Variants in KSR1 observed in about 807,000 individuals in gnomAD.
KSR1 encodes the protein kinase suppressor of ras.
In KSR1, 35 loss-of-function variants were observed where a neutral mutation model predicts 92.9. The ratio of observed to expected loss-of-function variants is 0.38; its 90% CI spans 0.29 to 0.50. The LOEUF is 0.50. Ranked by LOEUF, KSR1 falls within the 20% of genes least tolerant of loss-of-function variation. The probability of loss-of-function intolerance (pLI) is 0.94; values close to 1 mark genes in which losing one functional copy is unlikely to be tolerated. For missense variants in KSR1, 972 were observed against 1,158.5 expected (o/e 0.84, Z 2.34); for synonymous variants, 467 against 472.6 (o/e 0.99, Z 0.15).
chr17:27,550,712 T>C lies in KSR1; in HGVS notation c.372+4T>C, dbSNP rs376112578. The C allele has an allele frequency of 2.5e-5, 19 of 762,320 alleles. No homozygotes were observed. Among genetic ancestry groups the C allele is most frequent in the Non-Finnish European group, 4.1e-5 (17 of 417,042 alleles). 47.2% of individuals were successfully genotyped at this position (762,320 alleles called of 1,614,324 possible). A position where few individuals can be genotyped will look rare whatever the true frequency, so the allele number is the denominator to read the frequency against. ...CGTGAGGCCGGAGGTGGTGCAGGTA[T>C]GCAAGCTGGTTCTCAGCATAGGGAT... On this transcript the variant is annotated splice_donor_region_variant and intron_variant, in intron 2 of 20. Coordinates refer to ENST00000644974, the MANE Select transcript of KSR1 (RefSeq NM_001394583.1).
intron 1 of KSR1, among the ~76,000 whole-genome samples, chr17:27,499,916 A>AT (rs1349035976): frequency 6.6e-6 from 1 of 152,234 alleles, no homozygotes; most frequent in African/African-American, 2.4e-5. Flanking sequence ...CACATGGTTC[A>AT]TTTGAGTGCC....
In KSR1 at chr17:27,592,418, G is replaced by A; in HGVS notation, c.1188G>A (p.Leu396=). Residue 396 remains leucine, a synonymous_variant, in exon 8 of 21, where the codon CTG becomes CTA. Transcript: ENST00000644974. The part of the protein sequence containing the change: ...KEAPACRISF[L]PLTRLRRTES... The stretch of plus-strand genomic sequence containing the variant: ...CCCCTGCCTGTAGAATATCCTTCCT[G>A]CCACGTGAGTTTTCTGCCTTCCTCT... 1 of 1,613,872 alleles carries A rather than the reference G, an allele frequency of 6.2e-7. No individual in the cohort carries two copies. Among genetic ancestry groups the A allele is most frequent in the Non-Finnish European group, 8.5e-7 (1 of 1,179,816 alleles).
chr17:27,623,141 G>T (rs1052767618), intron 20 of KSR1, 173 bp from the exon 21 acceptor site: 11 of 641,158 alleles, frequency 1.7e-5, no homozygotes, highest in Non-Finnish European at 2.2e-5. Flanking sequence ...TGTAGCTGAG[G>T]CCTTGGACGC....
At chr17:27,479,351 C>G (rs531841369) in intron 1 of KSR1, among the ~76,000 whole-genome samples, 8 of 152,316 alleles carry the variant, frequency 5.3e-5, no homozygotes, top group Admixed American at 1.3e-4. Context: ...AGTGCCAGAC[C>G]CACTGCCAAT....
At chr17:27,470,926 A>G (rs765683047) in intron 1 of KSR1, among the ~76,000 whole-genome samples, 1 of 151,722 alleles carries the variant, frequency 6.6e-6, no homozygotes, top group Non-Finnish European at 1.5e-5. Flanking sequence ...GCTGGAGTGC[A>G]GTGGCACAAT....
chr17:27,546,848 G>A (rs2071193918), intron 1 of KSR1, among the ~76,000 whole-genome samples: 1 of 152,158 alleles, frequency 6.6e-6, no homozygotes, highest in Non-Finnish European at 1.5e-5. Flanking sequence ...TTCATGCTCT[G>A]TAGGTGCTCC....
Position 27,586,832 on chromosome 17 carries a change from C to G in KSR1, c.985+1171C>G, listed in dbSNP as rs73983481. 1.6e-3 allele frequency among the ~76,000 whole-genome samples: 245 copies of G among 152,318 alleles called. 1 individual carries two copies. Among genetic ancestry groups the G allele is most frequent in the African/African-American group, 5.5e-3 (229 of 41,558 alleles). On this transcript the variant is annotated intron_variant, in intron 5 of 20. Coordinates refer to ENST00000644974, the MANE Select transcript of KSR1 (RefSeq NM_001394583.1). ...ATTGAAGTTCCAACATAGTCTGTTT[C>G]TCCTAGGCTGGTAGCTGGCACCTTT...
At chr17:27,496,089 C>G (rs1236263965) in intron 1 of KSR1, among the ~76,000 whole-genome samples, 1 of 152,214 alleles carries the variant, frequency 6.6e-6, no homozygotes, top group African/African-American at 2.4e-5. Context: ...GGCCAGTGGT[C>G]AGGCCCAGCA....
chr17:27,460,495 G>T (rs985071811), intron 1 of KSR1, among the ~76,000 whole-genome samples: 4 of 152,212 alleles, frequency 2.6e-5, no homozygotes, highest in African/African-American at 9.6e-5. Context: ...AGGCTTTGCT[G>T]GGGGAGGTGA....
chr17:27,491,491 CA>C (rs1451946391), intron 1 of KSR1, among the ~76,000 whole-genome samples: 2 of 151,964 alleles, frequency 1.3e-5, no homozygotes, highest in African/African-American at 4.8e-5. Context: ...TGCCTGGCCA[CA>C]AAACACTCTA....
intron 1 of KSR1, among the ~76,000 whole-genome samples, chr17:27,474,560 T>C (rs190580917): frequency 6.6e-5 from 10 of 152,324 alleles, no homozygotes; most frequent in African/African-American, 2.2e-4. Flanking sequence ...AAATGGGGAT[T>C]ATAATGGGGT....
chr17:27,531,296 C>T (rs2070526802), intron 1 of KSR1, among the ~76,000 whole-genome samples: 2 of 152,276 alleles, frequency 1.3e-5, no homozygotes, highest in South Asian at 4.1e-4. Flanking sequence ...CCTGCTGGGT[C>T]ATGGCCTTGG....
intron 9 of KSR1, among the ~76,000 whole-genome samples, chr17:27,592,988 A>G (rs2073219216): frequency 6.6e-6 from 1 of 152,234 alleles, no homozygotes; most frequent in African/African-American, 2.4e-5. Context: ...GCAAGAGACA[A>G]TCCCAGAGTG....
At chr17:27,534,450 A>C (rs1336175876) in intron 1 of KSR1, among the ~76,000 whole-genome samples, 1 of 152,224 alleles carries the variant, frequency 6.6e-6, no homozygotes, top group Non-Finnish European at 1.5e-5. Context: ...TGTCTTCAGC[A>C]ATAGACATCC....
chr17:27,605,145 C>T (rs1028751522), intron 13 of KSR1, among the ~76,000 whole-genome samples: 4 of 152,256 alleles, frequency 2.6e-5, no homozygotes, highest in Non-Finnish European at 4.4e-5. Flanking sequence ...GATGCTCTTG[C>T]TCTTTCCTGG....
intron 1 of KSR1, among the ~76,000 whole-genome samples, chr17:27,523,482 G>C (rs1231729072): frequency 1.3e-5 from 2 of 152,140 alleles, no homozygotes; most frequent in African/African-American, 4.8e-5. Flanking sequence ...GCAGTCTAAT[G>C]GGGAAAGTTG....
intron 7 of KSR1, 24 bp downstream of exon 7, chr17:27,590,918 G>C (rs766692519): frequency 7.6e-6 from 12 of 1,586,072 alleles, no homozygotes; most frequent in Non-Finnish European, 1.0e-5. Context: ...GAGTGGGGGT[G>C]GGGGGAGCAG....
At chr17:27,499,246 C>A (rs1020412368) in intron 1 of KSR1, among the ~76,000 whole-genome samples, 4 of 152,140 alleles carry the variant, frequency 2.6e-5, no homozygotes, top group South Asian at 4.1e-4. Flanking sequence ...AAGTGTAATC[C>A]AACCAGGAGC....
rs1367045410 is a variant in KSR1, at chr17:27,610,148, G to A, written c.2307G>A (p.Lys769=). 5 of 1,613,962 alleles carry A rather than the reference G, an allele frequency of 3.1e-6. No individual in the cohort carries two copies. Among genetic ancestry groups the A allele is most frequent in the African/African-American group, 1.3e-5 (1 of 74,960 alleles). The change falls in exon 17 of 21, where the codon AAG becomes AAA. Residue 769 remains lysine, a synonymous_variant. Coordinates refer to ENST00000644974, the MANE Select transcript of KSR1 (RefSeq NM_001394583.1). ...PEIVREMTPG[K]DEDQLPFSKA... Reference sequence around the variant, plus strand: ...TTGTACGCGAGATGACCCCCGGGAAGGACGAGGATCAGCTGCCATTCTCCA... The same window carrying A: ...TTGTACGCGAGATGACCCCCGGGAAAGACGAGGATCAGCTGCCATTCTCCA...
Sources: gnomAD v4.1 joint callset for allele counts (sites outside exome capture counted in the v4.1 genomes callset) on GRCh38, gnomAD v4.1.1 for gene constraint, MANE v1.5 for transcripts, NCBI Gene and HGNC (gene_info 2026-07-23, HGNC 2026-07-21) for gene names.